The following FRMD4A variants were observed in gnomAD, a reference collection of about 807,000 sequenced individuals.
The protein encoded by FRMD4A is FERM domain-containing protein 4A.
FRMD4A carries 29 observed loss-of-function variants against 129.1 expected under a neutral mutation model. That is an observed-to-expected ratio of 0.22 (90% CI 0.17 to 0.31). The LOEUF is 0.31. Ranked by LOEUF, FRMD4A falls within the 10% of genes least tolerant of loss-of-function variation. FRMD4A has a pLI of 1.00. For missense variants in FRMD4A, 1,272 were observed against 1,375.8 expected (o/e 0.92, Z 1.19); for synonymous variants, 634 against 571.6 (o/e 1.11, Z -1.56).
At chr10:13,884,138 A>C (rs11258696) in intron 2 of FRMD4A, among the ~76,000 whole-genome samples, 1 of 23,052 alleles carries the variant, frequency 4.3e-5, no homozygotes, top group African/African-American at 1.1e-4. Context: ...ACACGCTCAC[A>C]CACACTCTCA....
intron 2 of FRMD4A, among the ~76,000 whole-genome samples, chr10:14,144,727 C>T (rs925982718): frequency 6.6e-6 from 1 of 152,060 alleles, no homozygotes; most frequent in Non-Finnish European, 1.5e-5. Context: ...GCAAGAGACA[C>T]GGTGATTTCC....
At chr10:13,987,322 A>G (rs983051452) in intron 2 of FRMD4A, among the ~76,000 whole-genome samples, 2 of 152,252 alleles carry the variant, frequency 1.3e-5, no homozygotes, top group African/African-American at 4.8e-5. Context: ...CTCTTAAGAA[A>G]CTTCCACCCA....
At chr10:14,060,476 C>A (rs1834756124) in intron 2 of FRMD4A, among the ~76,000 whole-genome samples, 1 of 152,192 alleles carries the variant, frequency 6.6e-6, no homozygotes, top group Admixed American at 6.5e-5. Flanking sequence ...ACCACTTTTA[C>A]AAGTGGACTA....
chr10:13,941,569 C>T (rs962386185), intron 2 of FRMD4A, among the ~76,000 whole-genome samples: 1 of 152,164 alleles, frequency 6.6e-6, no homozygotes, highest in African/African-American at 2.4e-5. Context: ...AGTCTCAGAT[C>T]GTAGACACCA....
chr10:14,008,162 C>CTGTGCGTGTGTGTGTGTG, intron 2 of FRMD4A: 2 of 628,412 alleles, frequency 3.2e-6, no homozygotes, highest in South Asian at 5.7e-5. Context: ...TGGTGTACAG[C>CTGTGCGTGTGTGTGTGTG]TGTGTGTGTG....
chr10:14,206,714 C>T (rs1405286002), intron 2 of FRMD4A, among the ~76,000 whole-genome samples: 4 of 141,226 alleles, frequency 2.8e-5, no homozygotes, highest in East Asian at 2.2e-4. Flanking sequence ...GGCTGAGGCT[C>T]GAGAATCACT....
At chr10:13,879,975 G>T (rs2094529597) in intron 2 of FRMD4A, among the ~76,000 whole-genome samples, 1 of 151,882 alleles carries the variant, frequency 6.6e-6, no homozygotes, top group African/African-American at 2.4e-5. Context: ...CTTATTATTT[G>T]AAGTTTGGTG....
chr10:13,984,634 T>C (rs1341667474), intron 2 of FRMD4A, among the ~76,000 whole-genome samples: 1 of 152,202 alleles, frequency 6.6e-6, no homozygotes, highest in Non-Finnish European at 1.5e-5. Context: ...ATATTATTTG[T>C]TTTTTTGTGA....
intron 2 of FRMD4A, among the ~76,000 whole-genome samples, chr10:14,012,638 C>T (rs2095686200): frequency 6.6e-6 from 1 of 152,162 alleles, no homozygotes; most frequent in South Asian, 2.1e-4. Context: ...TAGATGAAGC[C>T]AGTGCCCGCG....
intron 2 of FRMD4A, among the ~76,000 whole-genome samples, chr10:14,314,168 A>G (rs1189582333): frequency 6.6e-6 from 1 of 152,220 alleles, no homozygotes; most frequent in Non-Finnish European, 1.5e-5. Context: ...CTCTGACACT[A>G]AAGAGCAGAC....
At chr10:14,226,866 G>T (rs76992977) in intron 2 of FRMD4A, among the ~76,000 whole-genome samples, 3 of 151,982 alleles carry the variant, frequency 2.0e-5, no homozygotes, top group Admixed American at 2.0e-4. Flanking sequence ...CCTGCTCCCC[G>T]CTGCCTTCCA....
chr10:14,209,686 A>G (rs1208703793), intron 2 of FRMD4A, among the ~76,000 whole-genome samples: 1 of 146,918 alleles, frequency 6.8e-6, no homozygotes, highest in South Asian at 2.1e-4. Flanking sequence ...GTGCCATTGC[A>G]CTCCAGCCTG....
intron 2 of FRMD4A, among the ~76,000 whole-genome samples, chr10:14,048,338 T>C (rs1254445214): frequency 6.6e-6 from 1 of 152,224 alleles, no homozygotes; most frequent in East Asian, 1.9e-4. Flanking sequence ...GCCTATTTGC[T>C]TCATTTTCCT....
intron 15 of FRMD4A, among the ~76,000 whole-genome samples, chr10:13,679,779 C>T (rs1309080451): frequency 6.6e-6 from 1 of 152,198 alleles, no homozygotes; most frequent in Non-Finnish European, 1.5e-5. Flanking sequence ...TGCTCTACCT[C>T]AGGGCTTGTC....
rs1412986791 is a variant in FRMD4A at position 13,660,642 on chromosome 10, T to TGGAGCCACACAGCC, written c.1661-103_1661-90dup. The TGGAGCCACACAGCC allele has an allele frequency of 2.2e-5, 17 of 778,262 alleles. No individual in the cohort carries two copies. The Admixed American group carries it at 3.9e-4, about 18-fold the overall frequency. The allele number at this position is 778,262 out of a possible 1,614,324, so 48.2% of individuals were successfully genotyped here. A position where few individuals can be genotyped will look rare whatever the true frequency, so the allele number is the denominator to read the frequency against. On this transcript the variant is annotated intron_variant, in intron 19 of 24. Coordinates refer to ENST00000357447, the MANE Select transcript of FRMD4A (RefSeq NM_018027.5). ...CCCCTACACCCCTCCACCCGCACCT[T>TGGAGCCACACAGCC]GGAGCCACACAGCCAAACCCACACC... is the stretch of plus-strand genomic sequence containing the variant.
chr10:14,317,291 A>G (rs1049336050), intron 2 of FRMD4A, among the ~76,000 whole-genome samples: 1 of 151,948 alleles, frequency 6.6e-6, no homozygotes, highest in African/African-American at 2.4e-5. Context: ...CCTTCCTCAT[A>G]CCCAAATGTC....
At chr10:13,797,658 A>ACAGTC (rs1564819837) in intron 4 of FRMD4A, among the ~76,000 whole-genome samples, 1 of 152,172 alleles carries the variant, frequency 6.6e-6, no homozygotes, top group Non-Finnish European at 1.5e-5. Flanking sequence ...CCTGGAGAAG[A>ACAGTC]CAGTCCTATA....
chr10:13,849,192 G>C (rs1364373934), intron 3 of FRMD4A, among the ~76,000 whole-genome samples: 1 of 152,166 alleles, frequency 6.6e-6, no homozygotes, highest in African/African-American at 2.4e-5. Context: ...GGCCTGGGAG[G>C]TCCCGGACAG....
rs184578972 is a variant in FRMD4A at position 14,185,557 on chromosome 10, C to T, written c.45+144501G>A. Among the ~76,000 whole-genome samples the T allele has an allele frequency of 1.5e-4, 23 of 152,254 alleles. No homozygotes were observed. The South Asian group carries it at 1.7e-3, about 11-fold the overall frequency. ...TGGAAACTTGAAACATAAAGCAAGA[C>T]TATTTAAAGGTTCAATCTCGTCTTG... On this transcript the variant is annotated intron_variant, in intron 2 of 24. Transcript: ENST00000357447.
Sources: gnomAD v4.1 joint callset for allele counts (sites outside exome capture counted in the v4.1 genomes callset) on GRCh38, gnomAD v4.1.1 for gene constraint, MANE v1.5 for transcripts, NCBI Gene and HGNC (gene_info 2026-07-23, HGNC 2026-07-21) for gene names.